UGT1A7: variants seen among roughly 807,000 people sequenced by gnomAD.
The protein encoded by UGT1A7 is UDP glucuronosyltransferase family 1 member A7, also known as UDP-glucuronosyltransferase 1A7.
In UGT1A7, 33 loss-of-function variants were observed where a neutral mutation model predicts 45.6. The observed-to-expected ratio is 0.72, with a 90% CI of 0.55 to 0.97. The LOEUF is 0.97. Ranked by LOEUF, UGT1A7 falls within the 50% of genes least tolerant of loss-of-function variation. The pLI, the probability that UGT1A7 is intolerant of heterozygous loss-of-function variation, is 0.00. For synonymous variants in UGT1A7, 274 were observed against 250.6 expected, an observed-to-expected ratio of 1.09 and a Z score of -0.88; for missense variants, 684 against 666.2, an observed-to-expected ratio of 1.03 and a Z score of -0.29.
At chr2:233,770,651 C>A (rs1700124792) in intron 4 of UGT1A7, 1 of 150,460 alleles carries the variant, frequency 6.6e-6, no homozygotes, top group Middle Eastern at 3.2e-3. Context: ...GAGTGAGACT[C>A]CGTCTTACTT....
intron 1 of UGT1A7, among the ~76,000 whole-genome samples, chr2:233,716,848 A>G (rs28898605): frequency 0.1 from 15,748 of 152,134 alleles, 927 homozygotes; most frequent in East Asian, 0.2. Context: ...TTCAGCTACC[A>G]CATATGCTGA....
At chr2:233,684,171 C>T (rs1233354047) in intron 1 of UGT1A7, among the ~76,000 whole-genome samples, 2 of 152,130 alleles carry the variant, frequency 1.3e-5, no homozygotes, top group African/African-American at 4.8e-5. Flanking sequence ...CTCATATTGG[C>T]AGATGTTTGG....
intron 1 of UGT1A7, chr2:233,747,384 G>T: frequency 6.2e-7 from 1 of 1,605,378 alleles, no homozygotes; most frequent in Non-Finnish European, 8.5e-7. Flanking sequence ...AGGCCACCAG[G>T]CGGTGGTCCT....
intron 1 of UGT1A7, among the ~76,000 whole-genome samples, chr2:233,758,654 A>G (rs1263947791): frequency 6.6e-6 from 1 of 152,140 alleles, no homozygotes; most frequent in Non-Finnish European, 1.5e-5. Flanking sequence ...ATGAGAGGGT[A>G]CCCTAATTAC....
intron 1 of UGT1A7, among the ~76,000 whole-genome samples, chr2:233,763,956 G>A (rs1159458395): frequency 1.3e-5 from 2 of 152,194 alleles, no homozygotes; most frequent in Admixed American, 1.3e-4. Context: ...GAGCAGGGAA[G>A]GTTGAGATAT....
chr2:233,717,175 A>G (rs113530832), intron 1 of UGT1A7, among the ~76,000 whole-genome samples: 4 of 152,334 alleles, frequency 2.6e-5, no homozygotes, highest in African/African-American at 7.2e-5. Flanking sequence ...GAATGTGGCA[A>G]GAGCACCCTC....
intron 1 of UGT1A7, among the ~76,000 whole-genome samples, chr2:233,688,923 A>C (rs1387131150): frequency 6.6e-6 from 1 of 152,104 alleles, no homozygotes; most frequent in Non-Finnish European, 1.5e-5. Context: ...CCAAGCAGGG[A>C]AGATGGCAGG....
intron 1 of UGT1A7, chr2:233,713,795 G>A (rs371219022): frequency 4.3e-5 from 69 of 1,614,024 alleles, no homozygotes; most frequent in African/African-American, 1.5e-4. Flanking sequence ...ACCCCAGGCC[G>A]ATCATGCCCA....
intron 1 of UGT1A7, among the ~76,000 whole-genome samples, chr2:233,736,737 CCTTT>C (rs2125803115): frequency 6.6e-6 from 1 of 152,240 alleles, no homozygotes; most frequent in Non-Finnish European, 1.5e-5. Flanking sequence ...TTATGCTGTT[CCTTT>C]CTGTTTGTTA....
At chr2:233,721,755 T>C in intron 1 of UGT1A7, 1 of 459,594 alleles carries the variant, frequency 2.2e-6, no homozygotes, top group Non-Finnish European at 4.3e-6. Flanking sequence ...AATCTACATC[T>C]AAATTGTTAT....
intron 1 of UGT1A7, 124 bp downstream of exon 1, chr2:233,682,916 T>C (rs2125525062): frequency 1.3e-6 from 2 of 1,487,110 alleles, no homozygotes; most frequent in Non-Finnish European, 1.8e-6. Context: ...GTTTAAGGAA[T>C]TCTTTTGTAC....
rs750446316 is a variant in UGT1A7, at chr2:233,729,731, C to T, written c.856-37303C>T. On this transcript the variant is annotated intron_variant, in intron 1 of 4. Coordinates refer to ENST00000373426, the MANE Select transcript of UGT1A7 (RefSeq NM_019077.3). ...ATTCCTAGATTACTAACAACCAATT[C>T]AGACCACATGACATTCATGCAAAGG... The T allele has an allele frequency of 2.3e-5, 37 of 1,613,888 alleles. No homozygotes were observed. The Middle Eastern group carries it at 1.3e-3, about 57-fold the overall frequency.
chr2:233,699,987 T>C (rs946702694), intron 1 of UGT1A7, among the ~76,000 whole-genome samples: 2 of 152,158 alleles, frequency 1.3e-5, no homozygotes, highest in Non-Finnish European at 2.9e-5. Context: ...CAACAAAGAA[T>C]TACTCTGGCT....
At chr2:233,754,955 G>T in intron 1 of UGT1A7, 1 of 1,314,366 alleles carries the variant, frequency 7.6e-7, no homozygotes, top group Non-Finnish European at 1.0e-6. Context: ...GGTCCCGGCC[G>T]CCAAAGAACT....
chr2:233,748,539 G>A (rs1278710171), intron 1 of UGT1A7, among the ~76,000 whole-genome samples: 3 of 151,838 alleles, frequency 2.0e-5, no homozygotes, highest in Non-Finnish European at 2.9e-5. Context: ...GGTGACCACA[G>A]GAGACCTAAG....
intron 1 of UGT1A7, among the ~76,000 whole-genome samples, chr2:233,686,021 G>T (rs1211086630): frequency 1.3e-5 from 2 of 152,100 alleles, no homozygotes; most frequent in African/African-American, 4.8e-5. Context: ...TTTTCATCAT[G>T]GTGCCAAGAG....
At chr2:233,713,248 A>G (rs1380028747) in intron 1 of UGT1A7, 1 of 1,614,142 alleles carries the variant, frequency 6.2e-7, no homozygotes, top group Non-Finnish European at 8.5e-7. Context: ...TCATGGACCC[A>G]GGACGAATTT....
intron 1 of UGT1A7, among the ~76,000 whole-genome samples, chr2:233,748,668 G>C (rs1413455817): frequency 6.6e-6 from 1 of 151,746 alleles, no homozygotes; most frequent in East Asian, 1.9e-4. Context: ...TTCCAGAGAG[G>C]GATCTGTGCT....
intron 1 of UGT1A7, among the ~76,000 whole-genome samples, chr2:233,715,921 C>A (rs1424771340): frequency 2.6e-5 from 4 of 152,180 alleles, no homozygotes; most frequent in Admixed American, 6.5e-5. Flanking sequence ...TCATTGAGCT[C>A]AGGAGTTTCA....
Sources: gnomAD v4.1 joint callset for allele counts (sites outside exome capture counted in the v4.1 genomes callset) on GRCh38, gnomAD v4.1.1 for gene constraint, MANE v1.5 for transcripts, NCBI Gene and HGNC (gene_info 2026-07-23, HGNC 2026-07-21) for gene names.